The following TRIP12 variants were observed in gnomAD, a reference collection of about 807,000 sequenced individuals.
The protein encoded by TRIP12 is E3 ubiquitin-protein ligase TRIP12.
Under a neutral mutation model 244.2 loss-of-function variants are expected in TRIP12, and 25 were observed. The ratio of observed to expected loss-of-function variants is 0.10; its 90% CI spans 0.07 to 0.14. TRIP12 has a LOEUF of 0.14. Ranked by LOEUF, TRIP12 falls within the 10% of genes least tolerant of loss-of-function variation. TRIP12 has a pLI of 1.00. For missense variants in TRIP12, 1,677 were observed against 2,486.4 expected (o/e 0.67, Z 6.92); for synonymous variants, 905 against 873.1 (o/e 1.04, Z -0.64).
At position 229,859,102 on chromosome 2, in the gene TRIP12, T is replaced by C. The variant is rs756018503; in HGVS notation, c.697A>G (p.Ser233Gly). 12 of 1,614,130 alleles carry C rather than the reference T, an allele frequency of 7.4e-6. No individual in the cohort carries two copies. In the Admixed American group the frequency reaches 1.3e-4, roughly 18 times the overall value. ...GCAGAAGAAGAATCAGTGATGGTGC[T>C]ACACCCAGCTTTGGCTGAGGTGGCT... ...KSATSAKAGC[S>G]TITDSSSAAS... Residue 233 changes from serine (S) to glycine (G), a missense_variant, in exon 4 of 42, where the codon AGC (serine) becomes GGC (glycine). Ser to Gly is a moderately conservative substitution (Grantham distance 56). Around this residue, in one of 11 missense-constraint regions of TRIP12, gnomAD observed 387 missense variants for 392.6 expected, o/e 0.99. Coordinates refer to ENST00000675903, the MANE Select transcript of TRIP12 (RefSeq NM_001348323.3).
chr2:229,838,497 G>A (rs1306052590), intron 5 of TRIP12, among the ~76,000 whole-genome samples: 1 of 152,224 alleles, frequency 6.6e-6, no homozygotes, highest in Non-Finnish European at 1.5e-5. Flanking sequence ...CGCACAGCAT[G>A]ATCATGCCTC....
At chr2:229,803,956 G>C in intron 19 of TRIP12, 43 bp downstream of exon 19, 1 of 1,516,954 alleles carries the variant, frequency 6.6e-7, no homozygotes, top group Non-Finnish European at 8.9e-7. Context: ...TACTTGCAGA[G>C]ATTTGTATTT....
In TRIP12 at chr2:229,795,173, C is replaced by T; in HGVS notation, c.3968+6G>A. 3 of 1,613,166 alleles carry T rather than the reference C, an allele frequency of 1.9e-6. No homozygotes were observed. In the South Asian group the frequency reaches 3.3e-5, roughly 18 times the overall value. On this transcript the variant is annotated splice_donor_region_variant and intron_variant, in intron 26 of 41. Coordinates refer to ENST00000675903, the MANE Select transcript of TRIP12 (RefSeq NM_001348323.3). ...GGCAAGGGTATAGCCAGGCAATGGT[C>T]CTTACCTGCCTCCTGTCCCATTTCC...
In TRIP12 at chr2:229,805,846, G is replaced by A; in HGVS notation, c.2534C>T (p.Ser845Phe). The A allele has an allele frequency of 6.2e-7, 1 of 1,601,436 alleles. No homozygotes were observed. Among genetic ancestry groups the A allele is most frequent in the Non-Finnish European group, 8.5e-7 (1 of 1,170,626 alleles). ...HQVGEDEISL[S>F]TLGRVYTIDF... is the part of the protein sequence containing the mutation. ...AATAGTATAAACTCGTCCCAGAGTG[G>A]ACAAGCTTATCTCATCCTCACCGAC... Residue 845 changes from serine (S) to phenylalanine (F), a missense_variant, in exon 18 of 42, where the codon TCC becomes TTC. By Grantham distance (155) the Ser-to-Phe change is radical. Around this residue, in one of 11 missense-constraint regions of TRIP12, gnomAD observed 572 missense variants for 867.8 expected, o/e 0.66. Transcript: ENST00000675903.
In TRIP12 at chr2:229,833,837, A is replaced by C. The variant is rs542539822; in HGVS notation, c.1271-2998T>G. ...TTGGTTTTACCAAAACAAAACAAAA[A>C]AAAAACAAAAAAACTACTAGTTTTG... On this transcript the variant is annotated intron_variant, in intron 6 of 41. Transcript: ENST00000675903. Among the ~76,000 whole-genome samples the C allele has an allele frequency of 5.4e-4, 82 of 152,312 alleles. 1 individual carries two copies. The South Asian group carries it at 0.011, about 20-fold the overall frequency.
At chr2:229,792,123 A>G in intron 28 of TRIP12, 30 bp downstream of exon 28, 6 of 1,614,024 alleles carry the variant, frequency 3.7e-6, no homozygotes, top group Admixed American at 1.7e-5. Flanking sequence ...TATATAGTAC[A>G]TTATACATGG....
Position 229,787,556 on chromosome 2 carries a change from G to C in TRIP12, c.4944C>G (p.Asn1648Lys). ...QRLLDTNPEI[N>K]QSDSQDSRVA... Reference sequence around the variant, plus strand: ...CTCTGCTATCTTGAGAATCAGACTGGTTGATTTCTGGGTTGGTATCAAGTA... The same window carrying C: ...CTCTGCTATCTTGAGAATCAGACTGCTTGATTTCTGGGTTGGTATCAAGTA... Residue 1648 changes from asparagine (N) to lysine (K), a missense_variant, in exon 33 of 42, where the codon AAC becomes AAG. Asn to Lys is a moderately conservative substitution (Grantham distance 94, BLOSUM62 0). Transcript: ENST00000675903. 6.2e-7 allele frequency: 1 copy of C among 1,613,766 alleles called. No homozygotes were observed. The highest frequency in any genetic ancestry group is 8.5e-7 in the Non-Finnish European group (1 of 1,179,876).
upstream of TRIP12, chr2:229,922,046 C>G (rs1163386611): frequency 6.5e-6 from 1 of 153,792 alleles, no homozygotes; most frequent in African/African-American, 2.4e-5. Context: ...GTGCCGCCTC[C>G]CTCCCCGCCT....
rs919281029 is a variant in TRIP12 at position 229,771,840 on chromosome 2, TA to T, written c.5695-209del. ...TGGGGCCCCTACCAATAACAAAATG[TA>T]AAAAAAAAATGCCATGTGCATTTAC... is the stretch of plus-strand genomic sequence containing the variant. On this transcript the variant is annotated intron_variant, in intron 38 of 41. Coordinates refer to ENST00000675903, the MANE Select transcript of TRIP12 (RefSeq NM_001348323.3). Among the ~76,000 whole-genome samples, 12 of 149,218 alleles carry T rather than the reference TA, an allele frequency of 8.0e-5. No individual in the cohort carries two copies. The East Asian group carries it at 9.7e-4, about 12-fold the overall frequency.
chr2:229,866,682 A>G (rs908734253), intron 2 of TRIP12, among the ~76,000 whole-genome samples: 8 of 152,218 alleles, frequency 5.3e-5, no homozygotes, highest in South Asian at 2.1e-4. Flanking sequence ...AAGTCCCAAC[A>G]GGGCACATAA....
chr2:229,838,929 G>C (rs1053002623), intron 5 of TRIP12, among the ~76,000 whole-genome samples: 4 of 152,176 alleles, frequency 2.6e-5, no homozygotes, highest in African/African-American at 9.7e-5. Flanking sequence ...ACACCGCCAA[G>C]AGTAGAGATA....
rs750000767 is a variant in TRIP12 at position 229,792,088 on chromosome 2, C to T, written c.4216-23G>A. The T allele has an allele frequency of 1.2e-5, 19 of 1,613,832 alleles. No homozygotes were observed. In the East Asian group the frequency reaches 4.2e-4, roughly 36 times the overall value. ...AGCCTGAATAAAGCAAAGCAAAAGC[C>T]ATTTAAGCCAAAGGCCCTGAACTTT... On this transcript the variant is annotated intron_variant, in intron 28 of 41. Transcript: ENST00000675903.
chr2:229,859,431 T>C lies in TRIP12; in HGVS notation c.368A>G (p.Asn123Ser). Reference sequence around the variant, plus strand: ...TGCAGAGCTAGGAGAATTGGTCCTGTTGTAGTCTGGACTAGCACTGCGCTT... The same window carrying C: ...TGCAGAGCTAGGAGAATTGGTCCTGCTGTAGTCTGGACTAGCACTGCGCTT... ...GVKRSASPDY[N>S]RTNSPSSAKK... is the part of the protein sequence containing the mutation. The change falls in exon 4 of 42, where the codon AAC (asparagine) becomes AGC (serine). Residue 123 changes from asparagine (N) to serine (S), a missense_variant. Transcript: ENST00000675903. The C allele has an allele frequency of 6.2e-7, 1 of 1,614,190 alleles. No homozygotes were observed. Among genetic ancestry groups the C allele is most frequent in the Non-Finnish European group, 8.5e-7 (1 of 1,180,032 alleles).
chr2:229,785,953 C>T (rs985286763), intron 33 of TRIP12, 98 bp from the exon 34 acceptor site: 3 of 1,104,782 alleles, frequency 2.7e-6, no homozygotes, highest in Non-Finnish European at 3.8e-6. Context: ...ACAAGATCAA[C>T]TCAATTGTTA....
chr2:229,904,850 A>G (rs537753246), intron 1 of TRIP12, among the ~76,000 whole-genome samples: 56 of 152,364 alleles, frequency 3.7e-4, no homozygotes, highest in African/African-American at 1.3e-3. Context: ...TAATGTATCA[A>G]TACTGGGTCA....
chr2:229,802,214 A>G, intron 21 of TRIP12, 38 bp downstream of exon 21: 1 of 1,537,550 alleles, frequency 6.5e-7, no homozygotes, highest in Non-Finnish European at 8.8e-7. Flanking sequence ...CAGCGCTAAC[A>G]GCAAAGAAAT....
chr2:229,775,945 G>A (rs571467050), intron 37 of TRIP12, among the ~76,000 whole-genome samples: 1 of 152,022 alleles, frequency 6.6e-6, no homozygotes, highest in East Asian at 1.9e-4. Flanking sequence ...AACAATAAAG[G>A]ATAGAACAAA....
At chr2:229,779,879 C>G (rs968426197) in intron 34 of TRIP12, among the ~76,000 whole-genome samples, 7 of 152,216 alleles carry the variant, frequency 4.6e-5, no homozygotes, top group Non-Finnish European at 2.9e-5. Flanking sequence ...TTGCTCCTTC[C>G]TTCACGATCT....
rs1196568335 is a variant in TRIP12 at position 229,859,122 on chromosome 2, G to T, written c.677C>A (p.Thr226Asn). 5.0e-6 allele frequency: 8 copies of T among 1,614,216 alleles called. No individual in the cohort carries two copies. Among genetic ancestry groups the T allele is most frequent in the Non-Finnish European group, 6.8e-6 (8 of 1,180,036 alleles). ...KPTKLASKSA[T>N]SAKAGCSTIT... ...GGTGCTACACCCAGCTTTGGCTGAG[G>T]TGGCTGATTTTGAAGCCAGCTTGGT... Residue 226 changes from threonine (T) to asparagine (N), a missense_variant, in exon 4 of 42, where the codon ACC becomes AAC. By Grantham distance (65) the Thr-to-Asn change is moderately conservative. This residue lies in a region of TRIP12 where 387 missense variants were observed against 392.6 expected (regional missense o/e 0.99). Transcript: ENST00000675903.
Sources: gnomAD v4.1 joint callset for allele counts (sites outside exome capture counted in the v4.1 genomes callset) on GRCh38, gnomAD v4.1.1 for gene constraint, gnomAD v4.1.1 regional missense constraint, MANE v1.5 for transcripts, NCBI Gene and HGNC (gene_info 2026-07-23, HGNC 2026-07-21) for gene names.